Variants in GALNT13 observed in about 807,000 individuals in gnomAD.
GALNT13 encodes the protein polypeptide N-acetylgalactosaminyltransferase 13.
In GALNT13, 28 loss-of-function variants were observed where a neutral mutation model predicts 64.2. The observed-to-expected ratio is 0.44, with a 90% CI of 0.32 to 0.60. The LOEUF (loss-of-function observed/expected upper bound fraction) is 0.60. Among genes scored for constraint, GALNT13 ranks in the 20% least tolerant of loss-of-function variants. GALNT13 has a pLI of 0.05. For synonymous variants in GALNT13, 214 were observed against 224.6 expected (o/e 0.95, Z 0.42); for missense variants, 577 against 669.8 (o/e 0.86, Z 1.53).
intron 11 of GALNT13, among the ~76,000 whole-genome samples, chr2:154,415,816 C>T (rs1467212142): frequency 6.6e-6 from 1 of 152,064 alleles, no homozygotes; most frequent in Non-Finnish European, 1.5e-5. Context: ...TTAAAGTTTG[C>T]ATTTTTATAA....
At chr2:153,098,868 G>A in the GALNT13 span, among the ~76,000 whole-genome samples, 2 of 152,126 alleles carry the variant, frequency 1.3e-5, no homozygotes, top group Non-Finnish European at 1.5e-5. Context: ...AGTGGTTGTA[G>A]CAATTCACAT....
the GALNT13 span, among the ~76,000 whole-genome samples, chr2:153,085,732 C>T: frequency 6.6e-6 from 1 of 152,116 alleles, no homozygotes; most frequent in Admixed American, 6.5e-5. Flanking sequence ...TGGGGCAGTA[C>T]AGAAGAGAAA....
At chr2:153,803,795 A>G in the GALNT13 span, among the ~76,000 whole-genome samples, 4 of 152,062 alleles carry the variant, frequency 2.6e-5, no homozygotes, top group African/African-American at 7.2e-5. Context: ...ACACTGCACA[A>G]TGGGGGCCAC....
At chr2:154,103,276 C>G (rs902288425) in intron 3 of GALNT13, among the ~76,000 whole-genome samples, 1 of 152,070 alleles carries the variant, frequency 6.6e-6, no homozygotes, top group South Asian at 2.1e-4. Context: ...TCTGCCTTTT[C>G]TAATCTATTG....
At chr2:154,158,623 T>C (rs915832360) in intron 4 of GALNT13, among the ~76,000 whole-genome samples, 2 of 152,220 alleles carry the variant, frequency 1.3e-5, no homozygotes, top group Admixed American at 1.3e-4. Context: ...TTTCTCTCAC[T>C]GCAAGGTACA....
chr2:153,137,251 C>T, the GALNT13 span, among the ~76,000 whole-genome samples: 1 of 152,054 alleles, frequency 6.6e-6, no homozygotes, highest in African/African-American at 2.4e-5. Flanking sequence ...GAATAACTCA[C>T]TTTGATCTTA....
chr2:153,785,568 G>A, the GALNT13 span, among the ~76,000 whole-genome samples: 2 of 152,274 alleles, frequency 1.3e-5, no homozygotes, highest in Admixed American at 6.5e-5. Context: ...TACCAGCACT[G>A]CAGTGGCAGT....
At chr2:154,262,262 C>A (rs1285116165) in intron 8 of GALNT13, among the ~76,000 whole-genome samples, 2 of 152,052 alleles carry the variant, frequency 1.3e-5, no homozygotes, top group Admixed American at 6.6e-5. Flanking sequence ...TGTTAAATAC[C>A]ATACTGTTAC....
At chr2:153,169,906 T>A in the GALNT13 span, among the ~76,000 whole-genome samples, 1 of 152,170 alleles carries the variant, frequency 6.6e-6, no homozygotes, top group South Asian at 2.1e-4. Flanking sequence ...GCATGTGTGG[T>A]TTTACTTTTT....
At chr2:153,616,854 T>C in the GALNT13 span, among the ~76,000 whole-genome samples, 1 of 152,024 alleles carries the variant, frequency 6.6e-6, no homozygotes, top group African/African-American at 2.4e-5. Flanking sequence ...AATATAACTC[T>C]ATATCATCTA....
the GALNT13 span, among the ~76,000 whole-genome samples, chr2:153,150,997 C>A: frequency 1.3e-5 from 2 of 151,972 alleles, no homozygotes; most frequent in South Asian, 2.1e-4. Context: ...TTTTCCAATT[C>A]TGTGAAGAAA....
At chr2:154,051,979 A>C (rs917608011) in intron 3 of GALNT13, among the ~76,000 whole-genome samples, 1 of 152,166 alleles carries the variant, frequency 6.6e-6, no homozygotes, top group Non-Finnish European at 1.5e-5. Context: ...AGGGTGCAAG[A>C]AAAAGTGGTG....
At chr2:153,783,351 C>A in the GALNT13 span, among the ~76,000 whole-genome samples, 1 of 152,252 alleles carries the variant, frequency 6.6e-6, no homozygotes, top group East Asian at 1.9e-4. Context: ...ATGACTTCAT[C>A]TTAAAATTAA....
At chr2:154,260,876 C>T (rs545081749) in intron 8 of GALNT13, among the ~76,000 whole-genome samples, 62 of 152,206 alleles carry the variant, frequency 4.1e-4, no homozygotes, top group South Asian at 2.1e-4. Context: ...ACAGAAATAC[C>T]GCTACTATAT....
At chr2:153,190,067 C>G in the GALNT13 span, among the ~76,000 whole-genome samples, 4 of 151,902 alleles carry the variant, frequency 2.6e-5, no homozygotes, top group African/African-American at 4.8e-5. Flanking sequence ...TTGATTATTT[C>G]TTTTGCTGTT....
At chr2:153,325,333 C>A in the GALNT13 span, among the ~76,000 whole-genome samples, 1 of 152,022 alleles carries the variant, frequency 6.6e-6, no homozygotes, top group Non-Finnish European at 1.5e-5. Context: ...TCTGTGAGAT[C>A]AGTGGTGATA....
chr2:153,569,183 G>T, the GALNT13 span, among the ~76,000 whole-genome samples: 1 of 152,102 alleles, frequency 6.6e-6, no homozygotes, highest in African/African-American at 2.4e-5. Flanking sequence ...AATAAGCAGG[G>T]CTTCAGAATT....
At chr2:153,831,916 G>C in the GALNT13 span, among the ~76,000 whole-genome samples, 2 of 152,074 alleles carry the variant, frequency 1.3e-5, no homozygotes, top group African/African-American at 4.8e-5. Context: ...TTAATTATGA[G>C]GTACTTTATA....
At chr2:154,207,054 C>G (rs1196864967) in intron 4 of GALNT13, among the ~76,000 whole-genome samples, 2 of 152,104 alleles carry the variant, frequency 1.3e-5, no homozygotes, top group Non-Finnish European at 2.9e-5. Context: ...ACACTGCTAC[C>G]AGAGATGATT....
Sources: gnomAD v4.1 joint callset for allele counts (sites outside exome capture counted in the v4.1 genomes callset) on GRCh38, gnomAD v4.1.1 for gene constraint, MANE v1.5 for transcripts, NCBI Gene and HGNC (gene_info 2026-07-23, HGNC 2026-07-21) for gene names.